Variants in TM2D2 observed in about 807,000 individuals in gnomAD.
TM2D2 encodes TM2 domain containing 2, also known as TM2 domain-containing protein 2.
In TM2D2, 19 loss-of-function variants were observed where a neutral mutation model predicts 23.0. The ratio of observed to expected loss-of-function variants is 0.82; its 90% confidence interval spans 0.58 to 1.21. TM2D2 has a LOEUF of 1.21. Among genes scored for constraint, TM2D2 ranks in the 50% most tolerant of loss-of-function variants. TM2D2 has a pLI of 0.00. For missense variants in TM2D2, 246 were observed against 265.4 expected (o/e 0.93, Z 0.51); for synonymous variants, 120 against 108.8 (o/e 1.10, Z -0.64).
upstream of TM2D2, chr8:38,996,906 G>A: frequency 6.9e-7 from 1 of 1,453,648 alleles, no homozygotes; most frequent in Non-Finnish European, 9.3e-7. Context: ...CGAGGGCTCA[G>A]TTGCGTCAGT....
intron 3 of TM2D2, among the ~76,000 whole-genome samples, chr8:38,993,175 G>A (rs1421372409): frequency 1.3e-5 from 2 of 152,172 alleles, no homozygotes; most frequent in Non-Finnish European, 2.9e-5. Flanking sequence ...GAGACAGTTA[G>A]AACTTCACCT....
upstream of TM2D2, chr8:38,996,513 T>C (rs911969004): frequency 1.9e-6 from 3 of 1,579,448 alleles, no homozygotes; most frequent in South Asian, 1.1e-5. Flanking sequence ...AAGAACTGCG[T>C]GGTCAGGCCT....
upstream of TM2D2, chr8:38,996,824 C>T (rs1044731064): frequency 5.6e-6 from 8 of 1,439,306 alleles, no homozygotes; most frequent in Admixed American, 1.3e-4. Context: ...TTTAGAAATC[C>T]TATTCTCGCG....
intron 2 of TM2D2, among the ~76,000 whole-genome samples, chr8:38,994,305 T>C (rs1463670178): frequency 1.3e-5 from 2 of 152,298 alleles, no homozygotes; most frequent in East Asian, 1.9e-4. Context: ...ATCACAGATA[T>C]TCATTTTTTA....
Position 38,993,622 on chromosome 8 carries a change from T to C in TM2D2, c.354A>G (p.Ser118=). 1 of 1,613,990 alleles carries C rather than the reference T, an allele frequency of 6.2e-7. No homozygotes were observed. Among genetic ancestry groups the C allele is most frequent in the Non-Finnish European group, 8.5e-7 (1 of 1,179,862 alleles). Reference sequence around the variant, plus strand: ...TTCCATCTAAGGCATGGCACTGGACTGAAGTGTGTTCCACGTCGCTGTAGG... The same window carrying C: ...TTCCATCTAAGGCATGGCACTGGACCGAAGTGTGTTCCACGTCGCTGTAGG... ...GQAYSDVEHT[S]VQCHALDGIE... Residue 118 remains serine, a synonymous_variant, in exon 3 of 4, where the codon TCA becomes TCG. Coordinates refer to ENST00000456397, the MANE Select transcript of TM2D2 (RefSeq NM_078473.3).
Position 38,995,392 on chromosome 8 carries a change from T to C in TM2D2, c.241A>G (p.Ile81Val). 1 of 1,612,664 alleles carries C rather than the reference T, an allele frequency of 6.2e-7. No homozygotes were observed. Among genetic ancestry groups the C allele is most frequent in the Non-Finnish European group, 8.5e-7 (1 of 1,179,544 alleles). The change falls in exon 2 of 4, where the codon ATA (isoleucine) becomes GTA (valine). Residue 81 changes from isoleucine to valine, a missense_variant. Ile to Val is a conservative substitution (Grantham distance 29). This residue lies in a region of TM2D2 where 212 missense variants were observed against 202.2 expected (regional missense o/e 1.05). Coordinates refer to ENST00000456397, the MANE Select transcript of TM2D2 (RefSeq NM_078473.3). ...ILCSYLPDEF[I>V]ECEDPVDHVG... is the part of the protein sequence containing the mutation. ...TGATCCACTGGGTCTTCACATTCTA[T>C]AAATTCATCAGGTCTGTAATTCACC...
In TM2D2 at chr8:38,990,816, A is replaced by G. The variant is rs537106753; in HGVS notation, c.*516T>C. 6.3e-5 allele frequency: 10 copies of G among 157,892 alleles called. No homozygotes were observed. In the South Asian group the frequency reaches 1.7e-3, roughly 26 times the overall value. The allele number at this position is 157,892 out of a possible 1,614,324, so 9.8% of individuals were successfully genotyped here. Reference sequence around the variant, plus strand: ...ACTCATACAGTACTCCAAGTTGGTAAAATTTATTCTACATTTAAATTCAGA... The same window carrying G: ...ACTCATACAGTACTCCAAGTTGGTAGAATTTATTCTACATTTAAATTCAGA... On this transcript the variant is annotated 3_prime_UTR_variant, in exon 4 of 4. Transcript: ENST00000456397.
intron 2 of TM2D2, among the ~76,000 whole-genome samples, chr8:38,994,922 G>T (rs1351186879): frequency 6.6e-6 from 1 of 152,236 alleles, no homozygotes; most frequent in African/African-American, 2.4e-5. Context: ...GGCAAGAAAA[G>T]CTCTGCCCCA....
At chr8:38,996,944 T>G, upstream of TM2D2, 1 of 1,419,192 alleles carries the variant, frequency 7.0e-7, no homozygotes, top group Non-Finnish European at 9.5e-7. Flanking sequence ...CGGGCGCGCG[T>G]GCTCGTCGGG....
At chr8:38,993,495 G>A (rs750947982) in intron 3 of TM2D2, 50 bp downstream of exon 3, 8 of 1,321,046 alleles carry the variant, frequency 6.1e-6, no homozygotes, top group Middle Eastern at 2.0e-4. Flanking sequence ...CAAGGAAAAT[G>A]GCTCTACCTC....
chr8:38,994,965 A>G (rs1835711544), intron 2 of TM2D2, among the ~76,000 whole-genome samples: 2 of 152,248 alleles, frequency 1.3e-5, no homozygotes, highest in Non-Finnish European at 2.9e-5. Flanking sequence ...TGCCCAATCC[A>G]TCACCAGTGT....
Position 38,991,386 on chromosome 8 carries a change from T to A in TM2D2, c.591A>T (p.Leu197=). The A allele has an allele frequency of 6.2e-7, 1 of 1,614,036 alleles. No individual in the cohort carries two copies. The highest frequency in any genetic ancestry group is 1.1e-5 in the South Asian group (1 of 91,076). ...CACTTGGCATCAGCCCTCCAGTAAT[T>A]AGCAAAATAAGGTCAACAAACCACC... The part of the protein sequence containing the change: ...GIWWFVDLIL[L]ITGGLMPSDG... Residue 197 remains leucine, a synonymous_variant, in exon 4 of 4, where the codon CTA becomes CTT. Transcript: ENST00000456397.
chr8:38,994,219 C>G (rs73674681), intron 2 of TM2D2, among the ~76,000 whole-genome samples: 3,702 of 152,190 alleles, frequency 0.024, 174 homozygotes, highest in African/African-American at 0.085. Flanking sequence ...TGTGGGACAC[C>G]TGTTAAGTTT....
upstream of TM2D2, chr8:38,996,773 A>G (rs1056626094): frequency 7.1e-7 from 1 of 1,417,230 alleles, no homozygotes; most frequent in South Asian, 1.5e-5. Context: ...GGCGGGGCGG[A>G]TATGACTGGC....
chr8:38,995,614 G>A (rs983339842), intron 1 of TM2D2: 175 of 1,459,848 alleles, frequency 1.2e-4, no homozygotes, highest in Non-Finnish European at 1.5e-4. Flanking sequence ...GTTGGAGAAG[G>A]GAGGTGTTTC....
At position 38,990,495 on chromosome 8, in the gene TM2D2, G is replaced by A. The variant is rs1012443055; in HGVS notation, c.*837C>T. 1 of 152,226 alleles carries A rather than the reference G, an allele frequency of 6.6e-6. No homozygotes were observed. The highest frequency in any genetic ancestry group is 1.5e-5 in the Non-Finnish European group (1 of 68,044). 9.4% of individuals were successfully genotyped at this position (152,226 alleles called of 1,614,324 possible). ...TTCTGACTGCTGCAGCCCACAGGGA[G>A]AGCTAATCATGAAGAATAGTTTTAC... is the stretch of plus-strand genomic sequence containing the variant. On this transcript the variant is annotated 3_prime_UTR_variant, in exon 4 of 4. Transcript: ENST00000456397.
At chr8:38,991,754 G>A (rs1328293988) in intron 3 of TM2D2, among the ~76,000 whole-genome samples, 1 of 152,186 alleles carries the variant, frequency 6.6e-6, no homozygotes, top group Non-Finnish European at 1.5e-5. Flanking sequence ...CCAGAGACAG[G>A]AGGCACATCA....
chr8:38,993,693 C>T, intron 2 of TM2D2, 33 bp from the exon 3 acceptor site: 1 of 1,508,222 alleles, frequency 6.6e-7, no homozygotes, highest in Non-Finnish European at 9.2e-7. Context: ...AAAACCAACT[C>T]ACCAGAGCAA....
chr8:38,996,643 C>T, upstream of TM2D2: 1 of 1,432,470 alleles, frequency 7.0e-7, no homozygotes, highest in South Asian at 1.5e-5. Flanking sequence ...GCTACTCCGC[C>T]CTCTGCTTCT....
Sources: allele counts gnomAD v4.1 joint callset (sites outside exome capture counted in the v4.1 genomes callset), GRCh38; gene constraint gnomAD v4.1.1; regional missense constraint gnomAD v4.1.1; transcripts MANE v1.5; gene names NCBI Gene and HGNC (gene_info 2026-07-23, HGNC 2026-07-21).